SOX30: variants seen among roughly 807,000 people sequenced by gnomAD.
The protein encoded by SOX30 is SRY-box transcription factor 30.
In SOX30, 17 loss-of-function variants were observed where a neutral mutation model predicts 58.6. That is an observed-to-expected ratio of 0.29 (90% CI 0.20 to 0.44). SOX30 has a LOEUF of 0.44. Among genes scored for constraint, SOX30 ranks in the 20% least tolerant of loss-of-function variants. SOX30 has a pLI of 1.00. For synonymous variants in SOX30, 421 were observed against 400.2 expected, an observed-to-expected ratio of 1.05 and a Z score of -0.62; for missense variants, 951 against 965.8, an observed-to-expected ratio of 0.98 and a Z score of 0.20.
In SOX30 at chr5:157,646,832, T is replaced by G. The variant is rs758104877; in HGVS notation, c.1208-16A>C. 6.3e-7 allele frequency: 1 copy of G among 1,594,676 alleles called. No individual in the cohort carries two copies. The highest frequency in any genetic ancestry group is 1.1e-5 in the South Asian group (1 of 90,126). On this transcript the variant is annotated splice_polypyrimidine_tract_variant and intron_variant, in intron 2 of 4. Transcript: ENST00000265007. Reference sequence around the variant, plus strand: ...TAAACCCAACCTATAGAAGACAAAATATGTTTAAATGTGTAGACTCCATTT... The same window carrying G: ...TAAACCCAACCTATAGAAGACAAAAGATGTTTAAATGTGTAGACTCCATTT...
Position 157,646,769 on chromosome 5 carries a change from T to G in SOX30, c.1255A>C (p.Ser419Arg). The change falls in exon 3 of 5, where the codon AGT (serine) becomes CGT (arginine). Residue 419 changes from serine to arginine, a missense_variant. Physicochemically the swap from Ser to Arg is moderately radical, Grantham distance 110. This residue lies in a region of SOX30 where 57 missense variants were observed against 104.0 expected (regional missense o/e 0.55). Coordinates refer to ENST00000265007, the MANE Select transcript of SOX30 (RefSeq NM_178424.2). ...GTACCAGAAAATACATTGGAAACACTTAGAGGGAATCGTTTTCGCTTCCCT... is the reference window on the plus strand; with the variant it reads ...GTACCAGAAAATACATTGGAAACACGTAGAGGGAATCGTTTTCGCTTCCCT... ...RPGKRKRFPL[S>R]VSNVFSGTTQ... 2 of 1,614,090 alleles carry G rather than the reference T, an allele frequency of 1.2e-6. No individual in the cohort carries two copies. Among genetic ancestry groups the G allele is most frequent in the Non-Finnish European group, 1.7e-6 (2 of 1,179,970 alleles).
At position 157,667,381 on chromosome 5, in the gene SOX30, C is replaced by T. The variant is rs929656622; in HGVS notation, c.52+417G>A. On this transcript the variant is annotated intron_variant, in intron 2 of 5. Transcript: ENST00000519442. The stretch of plus-strand genomic sequence containing the variant: ...GTTGAAAATACATTTCATTTCCCCT[C>T]CCTTCATTCCCCCACCAAATGCATT... Among the ~76,000 whole-genome samples the T allele has an allele frequency of 3.9e-5, 6 of 152,178 alleles. No homozygotes were observed. The South Asian group carries it at 1.2e-3, about 31-fold the overall frequency.
At chr5:157,653,979 C>G (rs528657373), upstream of SOX30, among the ~76,000 whole-genome samples, 34 of 152,174 alleles carry the variant, frequency 2.2e-4, no homozygotes, top group African/African-American at 7.2e-4. Flanking sequence ...CCAGCCTGGC[C>G]AACATGGTGG....
At chr5:157,637,850 C>T (rs972702364) in intron 4 of SOX30, among the ~76,000 whole-genome samples, 8 of 152,102 alleles carry the variant, frequency 5.3e-5, no homozygotes, top group South Asian at 2.1e-4. Flanking sequence ...CGTGCCACCA[C>T]GCCTGGCTAA....
rs1312325922 is a variant in SOX30, at chr5:157,652,019, G to C, written c.60C>G (p.Pro20=). The C allele has an allele frequency of 1.4e-6, 2 of 1,429,928 alleles. No homozygotes were observed. Among genetic ancestry groups the C allele is most frequent in the Non-Finnish European group, 1.8e-6 (2 of 1,100,390 alleles). The allele number at this position is 1,429,928 out of a possible 1,614,324, so 88.6% of individuals were successfully genotyped here. A position where few individuals can be genotyped will look rare whatever the true frequency, so the allele number is the denominator to read the frequency against. The change falls in exon 1 of 5, where the codon CCC becomes CCG. Residue 20 remains proline, a synonymous_variant. Transcript: ENST00000265007. ...AGGAGGTGCCCTCGACCGGCAGCGG[G>C]GGCGGAGCGGGACGCAACGGGCGCG... ...PQPRPLRPAP[P]PLPVEGTSFW...
At chr5:157,648,312 A>G (rs1489768755) in intron 2 of SOX30, among the ~76,000 whole-genome samples, 2 of 152,162 alleles carry the variant, frequency 1.3e-5, no homozygotes, top group Non-Finnish European at 2.9e-5. Context: ...TGTTGCTATC[A>G]TTTTAACACT....
At chr5:157,651,090 C>A (rs201250970) in intron 1 of SOX30, 22 bp downstream of exon 1, 450 of 1,502,158 alleles carry the variant, frequency 3.0e-4, no homozygotes, top group Non-Finnish European at 3.6e-4. Flanking sequence ...TTTGAAAACC[C>A]GACTCCCCTG....
At chr5:157,633,067 A>T (rs557259814) in intron 4 of SOX30, among the ~76,000 whole-genome samples, 1 of 152,302 alleles carries the variant, frequency 6.6e-6, no homozygotes, top group South Asian at 2.1e-4. Flanking sequence ...GACTCTCAAA[A>T]AAACAAAAAA....
At chr5:157,633,285 C>T (rs1758854872) in intron 4 of SOX30, among the ~76,000 whole-genome samples, 2 of 152,118 alleles carry the variant, frequency 1.3e-5, no homozygotes, top group African/African-American at 4.8e-5. Flanking sequence ...CCTCGAACTC[C>T]ACCTCAGCCT....
Position 157,638,295 on chromosome 5 carries a change from C to G in SOX30, c.1815G>C (p.Gly605=). Residue 605 remains glycine, a synonymous_variant, in exon 4 of 5, where the codon GGG becomes GGC. Coordinates refer to ENST00000265007, the MANE Select transcript of SOX30 (RefSeq NM_178424.2). ...PPLGHPATLF[G]TPPRFSFHHP... is the part of the protein sequence containing the mutation. Reference sequence around the variant, plus strand: ...GATGAAAAGAGAATCTTGGTGGTGTCCCGAACAGTGTGGCTGGATGGCCAA... The same window carrying G: ...GATGAAAAGAGAATCTTGGTGGTGTGCCGAACAGTGTGGCTGGATGGCCAA... The G allele has an allele frequency of 1.2e-6, 2 of 1,601,108 alleles. No individual in the cohort carries two copies. The highest frequency in any genetic ancestry group is 1.7e-6 in the Non-Finnish European group (2 of 1,172,880).
chr5:157,643,398 C>T (rs554597534), intron 3 of SOX30, among the ~76,000 whole-genome samples: 1 of 152,070 alleles, frequency 6.6e-6, no homozygotes, highest in South Asian at 2.1e-4. Flanking sequence ...CCAGCGTGGG[C>T]AACAGAATGA....
At chr5:157,662,609 T>TCC (rs1336831812) in intron 2 of SOX30, among the ~76,000 whole-genome samples, 4 of 152,080 alleles carry the variant, frequency 2.6e-5, no homozygotes, top group African/African-American at 9.7e-5. Context: ...TTCAAAAGCC[T>TCC]CCCCCACAAA....
chr5:157,633,279 G>T (rs1050926889), intron 4 of SOX30, among the ~76,000 whole-genome samples: 1 of 151,986 alleles, frequency 6.6e-6, no homozygotes, highest in Admixed American at 6.6e-5. Context: ...GACTGGCCTC[G>T]AACTCCACCT....
intron 2 of SOX30, among the ~76,000 whole-genome samples, chr5:157,664,981 C>G (rs1759644689): frequency 6.6e-6 from 1 of 152,202 alleles, no homozygotes; most frequent in Non-Finnish European, 1.5e-5. Context: ...AAAATAGGAA[C>G]ACTTTTACAC....
intron 2 of SOX30, among the ~76,000 whole-genome samples, chr5:157,667,088 T>C (rs1348668663): frequency 6.6e-6 from 1 of 152,142 alleles, no homozygotes; most frequent in Non-Finnish European, 1.5e-5. Context: ...TCACCCACTC[T>C]GGGATGGATA....
At chr5:157,649,574 G>A (rs1445235256) in intron 1 of SOX30, among the ~76,000 whole-genome samples, 4 of 151,854 alleles carry the variant, frequency 2.6e-5, no homozygotes, top group African/African-American at 4.8e-5. Flanking sequence ...TGGATCACGC[G>A]AGGTCAGGAG....
In SOX30 at chr5:157,652,240, C is replaced by T. The variant is rs1236994885; in HGVS notation, c.-162G>A. On this transcript the variant is annotated 5_prime_UTR_variant, in exon 1 of 5. Coordinates refer to ENST00000265007, the MANE Select transcript of SOX30 (RefSeq NM_178424.2). ...CTGGGCCTCACCCAATCACAACGACCGATACCCGTGGACGGCCAATCACAG... is the reference window on the plus strand; with the variant it reads ...CTGGGCCTCACCCAATCACAACGACTGATACCCGTGGACGGCCAATCACAG... The T allele has an allele frequency of 5.5e-6, 7 of 1,269,652 alleles. No individual in the cohort carries two copies. The South Asian group carries it at 9.7e-5, about 18-fold the overall frequency. The allele number at this position is 1,269,652 out of a possible 1,614,324, so 78.6% of individuals were successfully genotyped here.
chr5:157,631,657 G>A (rs1758810496), intron 4 of SOX30, among the ~76,000 whole-genome samples: 1 of 151,716 alleles, frequency 6.6e-6, no homozygotes, highest in African/African-American at 2.4e-5. Context: ...CTACTCCAGA[G>A]GCTGAGGGCA....
upstream of SOX30, chr5:157,652,561 T>C (rs1222810100): frequency 1.7e-5 from 3 of 176,716 alleles, no homozygotes; most frequent in Admixed American, 2.0e-4. Flanking sequence ...CTGTCGGCCC[T>C]GAGTACCACC....
Sources: gnomAD v4.1 joint callset for allele counts (sites outside exome capture counted in the v4.1 genomes callset) on GRCh38, gnomAD v4.1.1 for gene constraint, gnomAD v4.1.1 regional missense constraint, MANE v1.5 for transcripts, NCBI Gene and HGNC (gene_info 2026-07-23, HGNC 2026-07-21) for gene names.